The following ADGRB3 variants were observed in gnomAD, a reference collection of about 807,000 sequenced individuals.
The protein encoded by ADGRB3 is adhesion G protein-coupled receptor B3.
ADGRB3 carries 37 observed loss-of-function variants against 193.4 expected under a neutral mutation model. The ratio of observed to expected loss-of-function variants is 0.19; its 90% CI spans 0.15 to 0.25. The LOEUF is 0.25. ADGRB3 is among the 10% of genes least tolerant of loss of function. The pLI, the probability that ADGRB3 is intolerant of heterozygous loss-of-function variation, is 1.00. For missense variants in ADGRB3, 1,637 were observed against 1,852.9 expected (o/e 0.88, Z 2.14); for synonymous variants, 690 against 644.2 (o/e 1.07, Z -1.08).
chr6:68,786,967 A>G (rs996382482), intron 3 of ADGRB3, among the ~76,000 whole-genome samples: 6 of 151,810 alleles, frequency 4.0e-5, no homozygotes, highest in Non-Finnish European at 8.8e-5. Flanking sequence ...TCTGTTATTG[A>G]TGTATAAGAA....
At chr6:68,924,098 C>T (rs1333557824) in intron 3 of ADGRB3, among the ~76,000 whole-genome samples, 1 of 152,046 alleles carries the variant, frequency 6.6e-6, no homozygotes, top group Non-Finnish European at 1.5e-5. Flanking sequence ...CGTTTATGTG[C>T]TTCTCATCAC....
chr6:68,684,005 T>A (rs1238728943), intron 3 of ADGRB3, among the ~76,000 whole-genome samples: 1 of 152,226 alleles, frequency 6.6e-6, no homozygotes, highest in Admixed American at 6.5e-5. Flanking sequence ...TTTAGAAATG[T>A]GGGCAAGTAT....
chr6:68,852,053 AG>A (rs1404058609), intron 3 of ADGRB3, among the ~76,000 whole-genome samples: 22 of 151,916 alleles, frequency 1.4e-4, no homozygotes, highest in Admixed American at 1.4e-3. Flanking sequence ...AACCTATTGT[AG>A]GTTTATAAGT....
Position 69,388,806 on chromosome 6 carries a change from C to T in ADGRB3, c.4484C>T (p.Ala1495Val), listed in dbSNP as rs748874619. ...GTCTTAGACACAGAGGCAAAGGATGCTTTGGAACTGAGGCCAGCAGAGTGG... is the reference window on the plus strand; with the variant it reads ...GTCTTAGACACAGAGGCAAAGGATGTTTTGGAACTGAGGCCAGCAGAGTGG... The part of the protein sequence containing the change: ...INVLDTEAKD[A>V]LELRPAEWEK... Residue 1495 changes from alanine (A) to valine (V), a missense_variant, in exon 32 of 32, where the codon GCT (alanine) becomes GTT (valine). Physicochemically the swap from Ala to Val is moderately conservative, Grantham distance 64. Around this residue, in one of 7 missense-constraint regions of ADGRB3, gnomAD observed 368 missense variants for 367.4 expected, o/e 1.00. Coordinates refer to ENST00000370598, the MANE Select transcript of ADGRB3 (RefSeq NM_001704.3). The T allele has an allele frequency of 6.8e-6, 11 of 1,613,386 alleles. No homozygotes were observed. In the South Asian group the frequency reaches 1.2e-4, roughly 18 times the overall value.
chr6:69,047,148 C>T lies in ADGRB3; in HGVS notation c.2108-1037C>T, dbSNP rs551390266. Among the ~76,000 whole-genome samples, 6 of 152,258 alleles carry T rather than the reference C, an allele frequency of 3.9e-5. No individual in the cohort carries two copies. The South Asian group carries it at 8.3e-4, about 21-fold the overall frequency. Reference sequence around the variant, plus strand: ...TGCTGGGATTACAGGCGTGAGCCACCGCACCCAGCCAATGAATTTTTACTT... The same window carrying T: ...TGCTGGGATTACAGGCGTGAGCCACTGCACCCAGCCAATGAATTTTTACTT... On this transcript the variant is annotated intron_variant, in intron 13 of 31. Coordinates refer to ENST00000370598, the MANE Select transcript of ADGRB3 (RefSeq NM_001704.3).
At chr6:68,778,590 T>G (rs1766794722) in intron 3 of ADGRB3, among the ~76,000 whole-genome samples, 1 of 152,158 alleles carries the variant, frequency 6.6e-6, no homozygotes, top group African/African-American at 2.4e-5. Flanking sequence ...GGCATAATTT[T>G]AATTCAGGCA....
At chr6:68,990,102 A>G (rs1387687883) in intron 10 of ADGRB3, among the ~76,000 whole-genome samples, 1 of 152,094 alleles carries the variant, frequency 6.6e-6, no homozygotes, top group East Asian at 1.9e-4. Context: ...AGATGAGCAA[A>G]CCCATTTATT....
chr6:69,192,253 C>G (rs1765205527), intron 17 of ADGRB3, among the ~76,000 whole-genome samples: 1 of 152,074 alleles, frequency 6.6e-6, no homozygotes, highest in Non-Finnish European at 1.5e-5. Flanking sequence ...GTCAAAGGTC[C>G]AAGAGTCCCA....
At chr6:69,058,076 T>C (rs562403904) in intron 15 of ADGRB3, among the ~76,000 whole-genome samples, 5 of 152,046 alleles carry the variant, frequency 3.3e-5, no homozygotes, top group South Asian at 2.1e-4. Flanking sequence ...TCTAGACTTT[T>C]GTTGAGAGGT....
intron 3 of ADGRB3, among the ~76,000 whole-genome samples, chr6:68,726,643 A>C (rs1391760218): frequency 2.0e-5 from 3 of 151,634 alleles, no homozygotes; most frequent in Non-Finnish European, 4.4e-5. Context: ...AAAATAAAGG[A>C]TACAAAATAT....
At chr6:68,955,915 T>C in intron 6 of ADGRB3, 109 bp from the exon 7 acceptor site, 1 of 1,034,806 alleles carries the variant, frequency 9.7e-7, no homozygotes, top group Non-Finnish European at 1.4e-6. Flanking sequence ...TATTCATTCA[T>C]AGTCCATTGA....
At chr6:68,918,709 C>T (rs114824313) in intron 3 of ADGRB3, among the ~76,000 whole-genome samples, 164 of 152,178 alleles carry the variant, frequency 1.1e-3, no homozygotes, top group African/African-American at 3.8e-3. Context: ...TTATTTCATC[C>T]GTATTATCAA....
intron 20 of ADGRB3, among the ~76,000 whole-genome samples, chr6:69,292,622 G>A (rs1274129471): frequency 6.6e-6 from 1 of 152,020 alleles, no homozygotes; most frequent in Admixed American, 6.6e-5. Flanking sequence ...CTGCCTGTTG[G>A]CTTCTGGGCA....
At position 69,288,649 on chromosome 6, in the gene ADGRB3, G is replaced by C. The variant is rs1417403148; in HGVS notation, c.2815-36223G>C. Among the ~76,000 whole-genome samples the C allele has an allele frequency of 3.9e-5, 6 of 152,132 alleles. No individual in the cohort carries two copies. The East Asian group carries it at 1.2e-3, about 29-fold the overall frequency. Reference sequence around the variant, plus strand: ...TTTCAACAATCCAATCACAATTCTTGCAGATGTGTCTCCCCAAGGGAGTTA... The same window carrying C: ...TTTCAACAATCCAATCACAATTCTTCCAGATGTGTCTCCCCAAGGGAGTTA... On this transcript the variant is annotated intron_variant, in intron 20 of 31. Coordinates refer to ENST00000370598, the MANE Select transcript of ADGRB3 (RefSeq NM_001704.3).
chr6:69,046,230 G>GA (rs1313293167), intron 13 of ADGRB3, among the ~76,000 whole-genome samples: 2 of 152,128 alleles, frequency 1.3e-5, no homozygotes, highest in Non-Finnish European at 2.9e-5. Flanking sequence ...ATGGCAGTCA[G>GA]AAAATCTTTA....
chr6:69,346,274 A>G (rs907376591), intron 26 of ADGRB3, among the ~76,000 whole-genome samples: 3 of 152,244 alleles, frequency 2.0e-5, no homozygotes, highest in African/African-American at 7.2e-5. Flanking sequence ...GAGCCTGTAT[A>G]GCCAAGACAA....
At chr6:69,175,243 C>T (rs1083694) in intron 17 of ADGRB3, among the ~76,000 whole-genome samples, 34,545 of 151,964 alleles carry the variant, frequency 0.23, 4,569 homozygotes, top group African/African-American at 0.36. Context: ...TATAAGAGCT[C>T]AAACTATAAG....
At chr6:68,764,806 T>C (rs1354367377) in intron 3 of ADGRB3, among the ~76,000 whole-genome samples, 1 of 152,226 alleles carries the variant, frequency 6.6e-6, no homozygotes, top group Non-Finnish European at 1.5e-5. Context: ...TATCTTGAAA[T>C]GTTTCAACAT....
intron 3 of ADGRB3, among the ~76,000 whole-genome samples, chr6:68,828,802 A>T (rs1276449083): frequency 1.3e-5 from 2 of 152,188 alleles, no homozygotes; most frequent in Non-Finnish European, 2.9e-5. Flanking sequence ...GGTGATTATC[A>T]AAAGGGTTTT....
Sources: gnomAD v4.1 joint callset for allele counts (sites outside exome capture counted in the v4.1 genomes callset) on GRCh38, gnomAD v4.1.1 for gene constraint, gnomAD v4.1.1 regional missense constraint, MANE v1.5 for transcripts, NCBI Gene and HGNC (gene_info 2026-07-23, HGNC 2026-07-21) for gene names.